The following TASP1 variants were observed in gnomAD, a reference collection of about 807,000 sequenced individuals.
TASP1 encodes threonine aspartase 1.
Under a neutral mutation model 56.6 loss-of-function variants are expected in TASP1, and 16 were observed. That is an observed-to-expected ratio of 0.28 (90% CI 0.19 to 0.43). The LOEUF is 0.43. Ranked by LOEUF, TASP1 falls within the 20% of genes least tolerant of loss-of-function variation. TASP1 has a pLI of 1.00. For synonymous variants in TASP1, 179 were observed against 184.2 expected (o/e 0.97, Z 0.23); for missense variants, 393 against 511.6 (o/e 0.77, Z 2.24).
the TASP1 span, among the ~76,000 whole-genome samples, chr20:13,246,421 T>A: frequency 0.036 from 5,514 of 152,140 alleles, 174 homozygotes; most frequent in African/African-American, 0.077. Flanking sequence ...TACTGCCCAC[T>A]CTGCCTGCCA....
intron 10 of TASP1, among the ~76,000 whole-genome samples, chr20:13,520,307 A>G (rs2044695065): frequency 6.6e-6 from 1 of 152,232 alleles, no homozygotes; most frequent in African/African-American, 2.4e-5. Flanking sequence ...AAGAGCCCAC[A>G]TTGCCAAGTC....
chr20:13,180,916 G>A, the TASP1 span, among the ~76,000 whole-genome samples: 1 of 152,230 alleles, frequency 6.6e-6, no homozygotes, highest in African/African-American at 2.4e-5. Context: ...TGAGTTCACA[G>A]CAAGATTTAA....
the TASP1 span, among the ~76,000 whole-genome samples, chr20:13,198,956 A>C: frequency 6.7e-6 from 1 of 148,914 alleles, no homozygotes; most frequent in Non-Finnish European, 1.5e-5. Context: ...CCCAGGCTGC[A>C]CTGCAGTAGT....
chr20:13,447,000 C>T (rs1164935428), intron 11 of TASP1, among the ~76,000 whole-genome samples: 2 of 152,130 alleles, frequency 1.3e-5, no homozygotes, highest in African/African-American at 2.4e-5. Flanking sequence ...CAGTGAACAT[C>T]TGGACATATT....
chr20:13,331,766 A>AT, the TASP1 span, among the ~76,000 whole-genome samples: 95 of 149,412 alleles, frequency 6.4e-4, no homozygotes, highest in African/African-American at 1.8e-3. Context: ...TTTTTTAAGT[A>AT]TTTTTTTAAC....
the TASP1 span, chr20:13,167,791 A>G: frequency 6.6e-6 from 1 of 152,208 alleles, no homozygotes; most frequent in African/African-American, 2.4e-5. Context: ...ACCTTTACTG[A>G]AACATAATAG....
chr20:13,110,328 T>C, the TASP1 span: 1 of 893,544 alleles, frequency 1.1e-6, no homozygotes. Flanking sequence ...GAATTGGTTA[T>C]ATGACACAGG....
At chr20:13,297,068 A>G in the TASP1 span, among the ~76,000 whole-genome samples, 2 of 152,124 alleles carry the variant, frequency 1.3e-5, no homozygotes, top group African/African-American at 2.4e-5. Context: ...GTCCTGATCA[A>G]TCAGTGAGGA....
the TASP1 span, among the ~76,000 whole-genome samples, chr20:13,127,283 C>T: frequency 3.3e-5 from 5 of 152,188 alleles, no homozygotes; most frequent in Non-Finnish European, 5.9e-5. Flanking sequence ...TCATAAAAGC[C>T]TCTTGGAACT....
the TASP1 span, among the ~76,000 whole-genome samples, chr20:13,319,285 T>A: frequency 6.6e-6 from 1 of 152,064 alleles, no homozygotes; most frequent in Admixed American, 6.5e-5. Flanking sequence ...TATGAGCAAC[T>A]GCTGGCTCCT....
the TASP1 span, among the ~76,000 whole-genome samples, chr20:13,326,008 T>A: frequency 6.6e-6 from 1 of 152,204 alleles, no homozygotes; most frequent in Non-Finnish European, 1.5e-5. Context: ...GGGTAACCAC[T>A]GATCTGTTTT....
intron 10 of TASP1, among the ~76,000 whole-genome samples, chr20:13,494,425 GTTAA>G (rs2043648054): frequency 1.3e-5 from 2 of 152,112 alleles, no homozygotes; most frequent in Admixed American, 1.3e-4. Context: ...TTTAAAAGCT[GTTAA>G]TTAATGAAAA....
intron 4 of TASP1, among the ~76,000 whole-genome samples, chr20:13,605,664 G>A (rs1290672662): frequency 2.6e-5 from 4 of 152,010 alleles, no homozygotes; most frequent in Admixed American, 2.0e-4. Context: ...GGGCAACAGA[G>A]TGAGACCTTT....
chr20:13,583,175 C>T (rs1271161657), intron 5 of TASP1, among the ~76,000 whole-genome samples: 2 of 152,186 alleles, frequency 1.3e-5, no homozygotes, highest in Non-Finnish European at 2.9e-5. Flanking sequence ...GGGGTGCCTG[C>T]GTAGTGAGCC....
the TASP1 span, among the ~76,000 whole-genome samples, chr20:13,121,304 G>T: frequency 6.6e-6 from 1 of 152,136 alleles, no homozygotes; most frequent in Non-Finnish European, 1.5e-5. Flanking sequence ...GACAAATTTG[G>T]GGTGAGCATT....
At chr20:13,562,921 G>A (rs949908517) in intron 7 of TASP1, among the ~76,000 whole-genome samples, 2,713 of 138,560 alleles carry the variant, frequency 0.02, 62 homozygotes, top group African/African-American at 0.053. Flanking sequence ...ATATATGTGT[G>A]TGTGTGTGTG....
At chr20:13,225,639 G>GTAAC in the TASP1 span, among the ~76,000 whole-genome samples, 1 of 152,064 alleles carries the variant, frequency 6.6e-6, no homozygotes, top group African/African-American at 2.4e-5. Context: ...TCCATATTGG[G>GTAAC]TAACTGGCTG....
chr20:13,344,067 CG>C, the TASP1 span, among the ~76,000 whole-genome samples: 11 of 152,018 alleles, frequency 7.2e-5, no homozygotes, highest in Admixed American at 7.2e-4. Flanking sequence ...CCACCCAGAC[CG>C]ATTCCATCGT....
At chr20:13,361,200 T>A in the TASP1 span, among the ~76,000 whole-genome samples, 17 of 151,682 alleles carry the variant, frequency 1.1e-4, no homozygotes, top group Non-Finnish European at 1.5e-4. Flanking sequence ...CTGAGTCAGA[T>A]AACTAAAATA....
Sources: allele counts gnomAD v4.1 joint callset (sites outside exome capture counted in the v4.1 genomes callset), GRCh38; gene constraint gnomAD v4.1.1; transcripts MANE v1.5; gene names NCBI Gene and HGNC (gene_info 2026-07-23, HGNC 2026-07-21).